TRPM3: variants seen among roughly 807,000 people sequenced by gnomAD.
The protein encoded by TRPM3 is long transient receptor potential channel 3.
Under a neutral mutation model 181.2 loss-of-function variants are expected in TRPM3, and 77 were observed. The ratio of observed to expected loss-of-function variants is 0.42; its 90% CI spans 0.35 to 0.51. TRPM3 has a LOEUF of 0.51. TRPM3 is among the 20% of genes least tolerant of loss of function. The probability of loss-of-function intolerance (pLI) is 0.01; values close to 1 mark genes in which losing one functional copy is unlikely to be tolerated. For synonymous variants in TRPM3, 745 were observed against 796.4 expected (o/e 0.94, Z 1.09); for missense variants, 1,759 against 2,196.7 (o/e 0.80, Z 3.98).
intron 3 of TRPM3, among the ~76,000 whole-genome samples, chr9:70,860,613 A>G (rs2095497184): frequency 1.3e-5 from 2 of 152,206 alleles, no homozygotes; most frequent in Non-Finnish European, 2.9e-5. Context: ...GTGGTCAACC[A>G]GTAGGCTAAG....
chr9:70,868,715 T>C (rs1167294078), intron 1 of TRPM3, among the ~76,000 whole-genome samples: 2 of 152,026 alleles, frequency 1.3e-5, no homozygotes, highest in African/African-American at 4.8e-5. Context: ...GACCAGTATT[T>C]GCAAGATTAG....
At chr9:71,097,100 C>T (rs2067429162) in intron 1 of TRPM3, among the ~76,000 whole-genome samples, 1 of 152,010 alleles carries the variant, frequency 6.6e-6, no homozygotes, top group Non-Finnish European at 1.5e-5. Flanking sequence ...GGTTTGCTGT[C>T]AGAAAGACTC....
chr9:70,690,765 A>G (rs1353687865), intron 8 of TRPM3, among the ~76,000 whole-genome samples: 2 of 152,164 alleles, frequency 1.3e-5, no homozygotes, highest in African/African-American at 2.4e-5. Context: ...TAGGGATCCA[A>G]ACAGGATTCC....
intron 1 of TRPM3, among the ~76,000 whole-genome samples, chr9:70,871,209 T>C (rs1165078030): frequency 6.6e-6 from 1 of 152,100 alleles, no homozygotes; most frequent in East Asian, 1.9e-4. Context: ...GCTAGTAGGC[T>C]GTAGTGGGTC....
chr9:71,095,934 T>C (rs1389033273), intron 1 of TRPM3, among the ~76,000 whole-genome samples: 4 of 152,088 alleles, frequency 2.6e-5, no homozygotes, highest in Non-Finnish European at 5.9e-5. Context: ...GAAAAACTTA[T>C]AAAATCACAA....
At chr9:70,829,383 GTGAA>G (rs1221740631) in intron 5 of TRPM3, among the ~76,000 whole-genome samples, 2 of 151,978 alleles carry the variant, frequency 1.3e-5, no homozygotes, top group African/African-American at 4.8e-5. Flanking sequence ...TCAATAAATA[GTGAA>G]TGAATGAATG....
At chr9:71,349,804 C>T (rs182342563) in intron 1 of TRPM3, among the ~76,000 whole-genome samples, 1 of 152,160 alleles carries the variant, frequency 6.6e-6, no homozygotes, top group East Asian at 1.9e-4. Flanking sequence ...GGGACCTGTT[C>T]ATCTCGTTGA....
intron 1 of TRPM3, among the ~76,000 whole-genome samples, chr9:71,133,825 G>C (rs115690851): frequency 6.6e-6 from 1 of 152,118 alleles, no homozygotes; most frequent in Non-Finnish European, 1.5e-5. Flanking sequence ...CTGAAGAAAG[G>C]TCATTTCCAA....
intron 1 of TRPM3, among the ~76,000 whole-genome samples, chr9:71,371,683 T>C (rs539942307): frequency 6.6e-6 from 1 of 152,324 alleles, no homozygotes; most frequent in East Asian, 1.9e-4. Context: ...GTTATAAACT[T>C]AGTTGGTAAA....
At chr9:70,917,182 C>A (rs2096605587) in intron 1 of TRPM3, 2 of 1,605,364 alleles carry the variant, frequency 1.2e-6, no homozygotes, top group Non-Finnish European at 1.7e-6. Flanking sequence ...GGAGTTTCTG[C>A]TTTTTAAACA....
intron 22 of TRPM3, among the ~76,000 whole-genome samples, chr9:70,583,340 A>G (rs1240104675): frequency 2.6e-5 from 4 of 152,216 alleles, no homozygotes; most frequent in Non-Finnish European, 4.4e-5. Flanking sequence ...CTCAGGCTAC[A>G]TGGTGTTTCT....
At chr9:71,285,315 C>T (rs562749188) in intron 1 of TRPM3, among the ~76,000 whole-genome samples, 1 of 152,326 alleles carries the variant, frequency 6.6e-6, no homozygotes, top group South Asian at 2.1e-4. Context: ...CCTGCATTCT[C>T]ACTAGCATCC....
intron 8 of TRPM3, among the ~76,000 whole-genome samples, chr9:70,743,163 G>A (rs2074480033): frequency 6.6e-6 from 1 of 152,164 alleles, no homozygotes; most frequent in South Asian, 2.1e-4. Context: ...AGTACAAGTA[G>A]TACTTCGAGT....
chr9:71,172,430 G>A (rs931851398), intron 1 of TRPM3, among the ~76,000 whole-genome samples: 7 of 151,778 alleles, frequency 4.6e-5, no homozygotes, highest in African/African-American at 1.7e-4. Flanking sequence ...TTTTGAGACA[G>A]GGTCTTGCTC....
chr9:71,106,676 C>T (rs2069669466), intron 1 of TRPM3, among the ~76,000 whole-genome samples: 1 of 152,174 alleles, frequency 6.6e-6, no homozygotes. Context: ...ATTCCCTTTG[C>T]CTAACATTTT....
At chr9:70,645,885 GA>G (rs1258295257) in intron 9 of TRPM3, among the ~76,000 whole-genome samples, 1 of 151,990 alleles carries the variant, frequency 6.6e-6, no homozygotes, top group African/African-American at 2.4e-5. Flanking sequence ...AAATTTACAA[GA>G]AAAAAACAAC....
At chr9:71,311,688 C>A (rs571995068) in intron 1 of TRPM3, among the ~76,000 whole-genome samples, 1 of 151,862 alleles carries the variant, frequency 6.6e-6, no homozygotes, top group Non-Finnish European at 1.5e-5. Context: ...AAAAAAAAAT[C>A]TAGATCAGAG....
chr9:71,431,153 T>G (rs2093948193), intron 1 of TRPM3, among the ~76,000 whole-genome samples: 1 of 152,130 alleles, frequency 6.6e-6, no homozygotes. Flanking sequence ...TTGTCTCTTG[T>G]CATATTTTTA....
At chr9:70,824,783 TG>T (rs1347839495) in intron 6 of TRPM3, 1 of 152,230 alleles carries the variant, frequency 6.6e-6, no homozygotes, top group Non-Finnish European at 1.5e-5. Flanking sequence ...AAAGTAGATT[TG>T]CTGTTCTAAA....
Sources: allele counts gnomAD v4.1 joint callset (sites outside exome capture counted in the v4.1 genomes callset), GRCh38; gene constraint gnomAD v4.1.1; transcripts MANE v1.5; gene names NCBI Gene and HGNC (gene_info 2026-07-23, HGNC 2026-07-21).